GAS7: variants seen among roughly 807,000 people sequenced by gnomAD.
GAS7 encodes growth arrest specific 7, also known as growth arrest-specific protein 7.
A neutral mutation model predicts 71.1 loss-of-function variants in GAS7; 28 were observed. The observed-to-expected ratio is 0.39, with a 90% CI of 0.29 to 0.54. GAS7 has a LOEUF of 0.54. Ranked by LOEUF, GAS7 falls within the 20% of genes least tolerant of loss-of-function variation. GAS7 has a pLI of 0.62. For synonymous variants in GAS7, 258 were observed against 245.8 expected (o/e 1.05, Z -0.46); for missense variants, 436 against 627.8 (o/e 0.69, Z 3.27).
intron 2 of GAS7, among the ~76,000 whole-genome samples, chr17:10,009,348 G>T (rs2071669423): frequency 6.9e-6 from 1 of 145,958 alleles, no homozygotes; most frequent in Admixed American, 6.8e-5. Context: ...TGTTCTACTG[G>T]AAAACTTATC....
intron 5 of GAS7, among the ~76,000 whole-genome samples, chr17:9,953,946 G>T (rs2069120123): frequency 6.6e-6 from 1 of 152,204 alleles, no homozygotes; most frequent in Non-Finnish European, 1.5e-5. Flanking sequence ...GCTCTCAACA[G>T]TTCCGTAAAT....
At chr17:10,087,807 T>A (rs1055366941) in intron 1 of GAS7, among the ~76,000 whole-genome samples, 2 of 151,884 alleles carry the variant, frequency 1.3e-5, no homozygotes, top group Non-Finnish European at 2.9e-5. Context: ...TCTAAGAAAG[T>A]AAGCGAAAAT....
intron 1 of GAS7, among the ~76,000 whole-genome samples, chr17:10,042,471 C>A (rs2072886981): frequency 6.6e-6 from 1 of 152,104 alleles, no homozygotes; most frequent in Non-Finnish European, 1.5e-5. Context: ...CCCCTGTCTG[C>A]ATGATCAATC....
At chr17:10,102,205 TAAAAA>T (rs34961542) in intron 1 of GAS7, among the ~76,000 whole-genome samples, 349 of 70,266 alleles carry the variant, frequency 5.0e-3, no homozygotes, top group Middle Eastern at 0.022. Context: ...AGAGTGCCCG[TAAAAA>T]AAAAAAAAAA....
chr17:10,073,243 T>C (rs1232864424), intron 1 of GAS7, among the ~76,000 whole-genome samples: 1 of 152,114 alleles, frequency 6.6e-6, no homozygotes, highest in Non-Finnish European at 1.5e-5. Flanking sequence ...TGAGGGCAGA[T>C]GTAATCACTA....
chr17:10,146,840 C>T (rs888539561), intron 1 of GAS7, among the ~76,000 whole-genome samples: 28 of 152,064 alleles, frequency 1.8e-4, no homozygotes, highest in Admixed American at 2.6e-4. Flanking sequence ...AAAAATTAGC[C>T]GGGCGTGGTG....
chr17:10,058,056 T>C (rs528643431), intron 1 of GAS7, among the ~76,000 whole-genome samples: 2 of 152,168 alleles, frequency 1.3e-5, no homozygotes, highest in East Asian at 1.9e-4. Context: ...GCAGCATGCT[T>C]GTTAAGAGTC....
intron 2 of GAS7, 66 bp downstream of exon 2, chr17:10,019,711 C>G: frequency 1.3e-6 from 2 of 1,497,102 alleles, no homozygotes; most frequent in Non-Finnish European, 1.8e-6. Flanking sequence ...GGAGAAAAAA[C>G]GTGCCCCTCT....
At chr17:10,129,775 T>C (rs2142085475) in intron 1 of GAS7, among the ~76,000 whole-genome samples, 1 of 152,372 alleles carries the variant, frequency 6.6e-6, no homozygotes, top group South Asian at 2.1e-4. Context: ...AAGGGACTTT[T>C]ATCTAGAATA....
chr17:10,197,414 C>T (rs2074548813), intron 1 of GAS7, among the ~76,000 whole-genome samples: 1 of 152,108 alleles, frequency 6.6e-6, no homozygotes, highest in Non-Finnish European at 1.5e-5. Flanking sequence ...CCCCCCCACA[C>T]ACAAAGGACT....
At chr17:10,152,663 G>A (rs2074175332) in intron 1 of GAS7, among the ~76,000 whole-genome samples, 1 of 152,186 alleles carries the variant, frequency 6.6e-6, no homozygotes, top group African/African-American at 2.4e-5. Flanking sequence ...GATGGCAGAG[G>A]AGGAGACGCA....
chr17:10,163,239 G>T (rs1402651038), intron 1 of GAS7, among the ~76,000 whole-genome samples: 1 of 152,164 alleles, frequency 6.6e-6, no homozygotes, highest in South Asian at 2.1e-4. Flanking sequence ...GCCTCCTGAG[G>T]AGCTGGGATT....
chr17:10,171,248 G>A (rs986198885), intron 1 of GAS7, among the ~76,000 whole-genome samples: 5 of 152,066 alleles, frequency 3.3e-5, no homozygotes, highest in African/African-American at 1.2e-4. Context: ...CCCCAAGCTC[G>A]CTTACTCCAA....
chr17:10,182,534 A>G (rs2074424241), intron 1 of GAS7, among the ~76,000 whole-genome samples: 1 of 152,204 alleles, frequency 6.6e-6, no homozygotes, highest in South Asian at 2.1e-4. Context: ...TGTGAAGCCA[A>G]GAACCCATGT....
chr17:10,041,553 T>C (rs2072870549), intron 1 of GAS7, among the ~76,000 whole-genome samples: 1 of 152,224 alleles, frequency 6.6e-6, no homozygotes, highest in African/African-American at 2.4e-5. Context: ...ACACTAGTCC[T>C]GCAGACATTT....
Position 10,049,609 on chromosome 17 carries a change from CTTTTT to C in GAS7, c.184-29717_184-29713del, listed in dbSNP as rs1168627510. On this transcript the variant is annotated intron_variant, in intron 1 of 13. Transcript: ENST00000432992. ...TTTAAAACGTGTTTTGAAATTACTT[CTTTTT>C]TTTTTTTTTTTTTTTTTTTTTTTTG... Among the ~76,000 whole-genome samples, 587 of 70,406 alleles carry C rather than the reference CTTTTT, an allele frequency of 8.3e-3. 27 individuals are homozygous for C. The highest frequency in any genetic ancestry group is 0.028 in the African/African-American group (550 of 19,592). 46.2% of individuals were successfully genotyped at this position (70,406 alleles called of 152,430 possible). A position where few individuals can be genotyped will look rare whatever the true frequency, so the allele number is the denominator to read the frequency against.
Position 9,919,969 on chromosome 17 carries a change from T to TTGTGTGTGTGTG in GAS7, c.1139-276_1139-265dup, listed in dbSNP as rs34994635. Among the ~76,000 whole-genome samples, 183 of 131,484 alleles carry TTGTGTGTGTGTG rather than the reference T, an allele frequency of 1.4e-3. 3 individuals carry two copies. The highest frequency in any genetic ancestry group is 4.7e-3 in the East Asian group (20 of 4,254). 86.3% of individuals were successfully genotyped at this position (131,484 alleles called of 152,430 possible). On this transcript the variant is annotated intron_variant, in intron 11 of 13. Coordinates refer to ENST00000432992, the MANE Select transcript of GAS7 (RefSeq NM_201433.2). This position sits in a 1 kb window ranked among gnomAD's most constrained non-coding sequence, Gnocchi z 5.0. Reference sequence around the variant, plus strand: ...AGGATTCAGGATGGTGGTTCTCATTTTGTGTGTGTGTGTGTGTGTGTGTGT... The same window carrying TTGTGTGTGTGTG: ...AGGATTCAGGATGGTGGTTCTCATTTTGTGTGTGTGTGTGTGTGTGTGTGTGTGTGTGTGTGT...
chr17:9,966,984 G>A (rs1340833894), intron 4 of GAS7, among the ~76,000 whole-genome samples: 3 of 152,096 alleles, frequency 2.0e-5, no homozygotes, highest in Non-Finnish European at 4.4e-5. Context: ...GGTGAACAAC[G>A]CACGTTCGCC....
At chr17:10,108,342 A>G (rs773691159) in intron 1 of GAS7, among the ~76,000 whole-genome samples, 1 of 152,188 alleles carries the variant, frequency 6.6e-6, no homozygotes, top group African/African-American at 2.4e-5. Context: ...TAAGGAATGA[A>G]TCTCTGAGTT....
Sources: allele counts gnomAD v4.1 joint callset (sites outside exome capture counted in the v4.1 genomes callset), GRCh38; gene constraint gnomAD v4.1.1; non-coding constraint Gnocchi (gnomAD v3.1); transcripts MANE v1.5; gene names NCBI Gene and HGNC (gene_info 2026-07-23, HGNC 2026-07-21).